PDGFRA: variants seen among roughly 807,000 people sequenced by gnomAD.
The protein encoded by PDGFRA is platelet derived growth factor receptor alpha, also known as platelet-derived growth factor receptor alpha.
A neutral mutation model predicts 121.5 loss-of-function variants in PDGFRA; 25 were observed. The ratio of observed to expected loss-of-function variants is 0.21; its 90% CI spans 0.15 to 0.29. The LOEUF (loss-of-function observed/expected upper bound fraction) is 0.29, where lower values mean the gene tolerates loss of function less well. Among genes scored for constraint, PDGFRA ranks in the 10% least tolerant of loss-of-function variants. The pLI is 1.00. For synonymous variants in PDGFRA, 463 were observed against 494.8 expected (o/e 0.94, Z 0.85); for missense variants, 1,008 against 1,345.1 (o/e 0.75, Z 3.92).
intron 7 of PDGFRA, among the ~76,000 whole-genome samples, chr4:54,268,348 C>A (rs898347853): frequency 2.0e-5 from 3 of 152,168 alleles, no homozygotes; most frequent in Non-Finnish European, 2.9e-5. Context: ...GTTTCCTCAT[C>A]TACAATGTAG....
intron 7 of PDGFRA, among the ~76,000 whole-genome samples, chr4:54,269,330 G>A (rs1317876983): frequency 6.6e-6 from 1 of 152,042 alleles, no homozygotes; most frequent in Non-Finnish European, 1.5e-5. Flanking sequence ...TGTGCTATGT[G>A]TACAATTATC....
At chr4:54,260,441 C>T (rs915294980) in intron 2 of PDGFRA, among the ~76,000 whole-genome samples, 6 of 129,518 alleles carry the variant, frequency 4.6e-5, no homozygotes, top group East Asian at 4.7e-4. Flanking sequence ...CAGGGTCTCT[C>T]GCTCTATTGC....
chr4:54,278,714 C>T (rs1402420939), intron 15 of PDGFRA, 199 bp downstream of exon 15: 1 of 666,462 alleles, frequency 1.5e-6, no homozygotes, highest in East Asian at 2.8e-5. Context: ...ACTGGGGTGT[C>T]ACATGGGAAG....
chr4:54,244,598 T>TA (rs1326263925), intron 1 of PDGFRA, among the ~76,000 whole-genome samples: 1 of 151,892 alleles, frequency 6.6e-6, no homozygotes, highest in Non-Finnish European at 1.5e-5. Flanking sequence ...CGAAAGTAGA[T>TA]AAAACCACAA....
At position 54,297,802 on chromosome 4, in the gene PDGFRA, T is replaced by C. The variant is rs905668065; in HGVS notation, c.*2530T>C. 2.1e-5 allele frequency: 5 copies of C among 233,566 alleles called. 1 individual carries two copies. The highest frequency in any genetic ancestry group is 4.2e-5 in the Non-Finnish European group (5 of 118,056). 14.5% of individuals were successfully genotyped at this position (233,566 alleles called of 1,614,324 possible). On this transcript the variant is annotated 3_prime_UTR_variant, in exon 23 of 23. Coordinates refer to ENST00000257290, the MANE Select transcript of PDGFRA (RefSeq NM_006206.6). Reference sequence around the variant, plus strand: ...GGCCTGAGAAACACTATTTGTGACTTTTTAAACGATTAGTGATGTCCTTAA... The same window carrying C: ...GGCCTGAGAAACACTATTTGTGACTCTTTAAACGATTAGTGATGTCCTTAA...
In PDGFRA at chr4:54,268,150, G is replaced by A. The variant is rs115536746; in HGVS notation, c.1121+409G>A. On this transcript the variant is annotated intron_variant, in intron 7 of 22. Coordinates refer to ENST00000257290, the MANE Select transcript of PDGFRA (RefSeq NM_006206.6). ...CACATCACCTTACGTGAAAGTTAACGTCATAGGCTTAATCTGGAACCCATT... is the reference window on the plus strand; with the variant it reads ...CACATCACCTTACGTGAAAGTTAACATCATAGGCTTAATCTGGAACCCATT... 6.6e-3 allele frequency among the ~76,000 whole-genome samples: 1,009 copies of A among 152,296 alleles called. 8 individuals are homozygous for A. The highest frequency in any genetic ancestry group is 0.022 in the African/African-American group (914 of 41,552).
At chr4:54,277,261 T>G (rs1723783981) in intron 12 of PDGFRA, 127 bp from the exon 13 acceptor site, 1 of 744,402 alleles carries the variant, frequency 1.3e-6, no homozygotes, top group East Asian at 2.6e-5. Flanking sequence ...CTTGGAGGAG[T>G]CATTATGATT....
At chr4:54,264,894 C>T (rs2110257126) in intron 4 of PDGFRA, 25 bp from the exon 5 acceptor site, 1 of 1,601,706 alleles carries the variant, frequency 6.2e-7, no homozygotes, top group South Asian at 1.1e-5. Flanking sequence ...GATTTTTAGG[C>T]CCTTGTATTT....
intron 16 of PDGFRA, chr4:54,281,871 C>T (rs1273520208): frequency 8.3e-7 from 1 of 1,203,606 alleles, no homozygotes; most frequent in Non-Finnish European, 1.0e-6. Flanking sequence ...TGGCACTGAT[C>T]TCTAAGATGC....
Position 54,285,275 on chromosome 4 carries a change from G to T in PDGFRA, c.2324-96G>T, listed in dbSNP as rs546972237. The T allele has an allele frequency of 4.0e-6, 3 of 746,154 alleles. No individual in the cohort carries two copies. In the South Asian group the frequency reaches 4.4e-5, roughly 11 times the overall value. 46.2% of individuals were successfully genotyped at this position (746,154 alleles called of 1,614,324 possible). A position where few individuals can be genotyped will look rare whatever the true frequency, so the allele number is the denominator to read the frequency against. On this transcript the variant is annotated intron_variant, in intron 16 of 22. Coordinates refer to ENST00000257290, the MANE Select transcript of PDGFRA (RefSeq NM_006206.6). Reference sequence around the variant, plus strand: ...TCTAAACATTCTACAAAAAAATTAAGAAAATATTTTTGGATGTGTTCTTTG... The same window carrying T: ...TCTAAACATTCTACAAAAAAATTAATAAAATATTTTTGGATGTGTTCTTTG...
chr4:54,234,664 A>G (rs4864863), intron 1 of PDGFRA, among the ~76,000 whole-genome samples: 37,810 of 152,036 alleles, frequency 0.25, 5,052 homozygotes, highest in Admixed American at 0.33. Context: ...GCATTTACAT[A>G]GTGAACATCT....
chr4:54,245,124 A>G (rs1291871050), intron 1 of PDGFRA, among the ~76,000 whole-genome samples: 1 of 152,262 alleles, frequency 6.6e-6, no homozygotes, highest in Non-Finnish European at 1.5e-5. Flanking sequence ...GGAGAATGGA[A>G]CCAAGTTGGA....
chr4:54,279,902 TTACA>T (rs1435749668), intron 15 of PDGFRA, among the ~76,000 whole-genome samples: 3 of 147,600 alleles, frequency 2.0e-5, no homozygotes, highest in Non-Finnish European at 3.0e-5. Flanking sequence ...TATAGCTGAG[TTACA>T]TATATATATA....
chr4:54,278,806 C>A, intron 15 of PDGFRA: 1 of 554,138 alleles, frequency 1.8e-6, no homozygotes, highest in Non-Finnish European at 3.4e-6. Flanking sequence ...CCACTTAGAC[C>A]TATAAAATGC....
chr4:54,289,094 C>T lies in PDGFRA; in HGVS notation c.2860C>T (p.Leu954=). 6.3e-7 allele frequency: 1 copy of T among 1,592,514 alleles called. No homozygotes were observed. The highest frequency in any genetic ancestry group is 2.2e-5 in the East Asian group (1 of 44,776). Residue 954 remains leucine (L), a synonymous_variant, in exon 21 of 23, where the codon CTG becomes TTG. Coordinates refer to ENST00000257290, the MANE Select transcript of PDGFRA (RefSeq NM_006206.6). ...CCTGAGTGAGATTGTGGAGAATCTG[C>T]TGCCTGGACAATATAAAAAGGTGTG... ...YHLSEIVENL[L]PGQYKKSYEK... is the part of the protein sequence containing the mutation.
At chr4:54,237,330 G>A (rs989112595) in intron 1 of PDGFRA, among the ~76,000 whole-genome samples, 14 of 152,304 alleles carry the variant, frequency 9.2e-5, no homozygotes, top group Admixed American at 7.8e-4. Context: ...ACTGTATCTG[G>A]AGGCACTGAA....
intron 12 of PDGFRA, among the ~76,000 whole-genome samples, chr4:54,275,768 G>A (rs1238240977): frequency 6.6e-6 from 1 of 152,168 alleles, no homozygotes. Context: ...TGCAAAAATT[G>A]TAACTGAGGA....
At chr4:54,259,744 G>A (rs1722584127) in intron 2 of PDGFRA, among the ~76,000 whole-genome samples, 5 of 152,206 alleles carry the variant, frequency 3.3e-5, no homozygotes, top group Admixed American at 3.3e-4. Flanking sequence ...AGGTGATCCA[G>A]ATGTACTTAC....
At position 54,287,285 on chromosome 4, in the gene PDGFRA, A is replaced by C. The variant is rs1043547928; in HGVS notation, c.2563-145A>C. ...CCAGGGACTGAGAGTTCAGTAATGA[A>C]CAAAACACATGTAAAAGACACTCAA... On this transcript the variant is annotated intron_variant, in intron 18 of 22. Transcript: ENST00000257290. The C allele has an allele frequency of 4.2e-5, 31 of 733,648 alleles. No homozygotes were observed. In the South Asian group the frequency reaches 4.3e-4, roughly 10 times the overall value. 45.4% of individuals were successfully genotyped at this position (733,648 alleles called of 1,614,324 possible). A position where few individuals can be genotyped will look rare whatever the true frequency, so the allele number is the denominator to read the frequency against.
Sources: gnomAD v4.1 joint callset for allele counts (sites outside exome capture counted in the v4.1 genomes callset) on GRCh38, gnomAD v4.1.1 for gene constraint, MANE v1.5 for transcripts, NCBI Gene and HGNC (gene_info 2026-07-23, HGNC 2026-07-21) for gene names.